Variants in ADGRL3 observed in about 807,000 individuals in gnomAD.
ADGRL3 encodes adhesion G protein-coupled receptor L3, also known as calcium-independent alpha-latrotoxin receptor 3.
A neutral mutation model predicts 153.5 loss-of-function variants in ADGRL3; 62 were observed. That is an observed-to-expected ratio of 0.40 (90% CI 0.33 to 0.50). The LOEUF is 0.50. ADGRL3 is among the 20% of genes least tolerant of loss of function. The probability of loss-of-function intolerance (pLI) is 0.47; values close to 1 mark genes in which losing one functional copy is unlikely to be tolerated. For missense variants in ADGRL3, 1,641 were observed against 1,859.4 expected (o/e 0.88, Z 2.16); for synonymous variants, 710 against 672.5 (o/e 1.06, Z -0.86).
At chr4:62,037,958 TG>T in intron 24 of ADGRL3, 102 bp downstream of exon 24, 1 of 1,286,996 alleles carries the variant, frequency 7.8e-7, no homozygotes, top group Non-Finnish European at 1.1e-6. Context: ...ACACATCGTT[TG>T]TTTTTGTTGT....
intron 1 of ADGRL3, among the ~76,000 whole-genome samples, chr4:61,283,057 C>T (rs2093788485): frequency 6.6e-6 from 1 of 151,940 alleles, no homozygotes; most frequent in Non-Finnish European, 1.5e-5. Flanking sequence ...TTTTTATCTA[C>T]ATGGTTCTTC....
chr4:61,384,136 TA>T (rs1260350288), intron 2 of ADGRL3, among the ~76,000 whole-genome samples: 1 of 151,914 alleles, frequency 6.6e-6, no homozygotes, highest in Non-Finnish European at 1.5e-5. Context: ...CTTAAAACTA[TA>T]AAAATATTGC....
At chr4:61,264,207 C>A (rs555896215) in intron 1 of ADGRL3, among the ~76,000 whole-genome samples, 145 of 151,996 alleles carry the variant, frequency 9.5e-4, no homozygotes, top group Non-Finnish European at 1.1e-3. Context: ...AAGCTGGTAA[C>A]CTTTTTAAGA....
chr4:61,435,746 TCA>T (rs2097436735), intron 2 of ADGRL3, among the ~76,000 whole-genome samples: 1 of 152,098 alleles, frequency 6.6e-6, no homozygotes, highest in Admixed American at 6.5e-5. Context: ...CATAAAACAG[TCA>T]GTGAAACCAT....
chr4:61,725,545 A>G (rs866780706), intron 6 of ADGRL3, among the ~76,000 whole-genome samples: 1 of 151,404 alleles, frequency 6.6e-6, no homozygotes. Flanking sequence ...CAGTGAGCCA[A>G]GATTGCGCCA....
At chr4:61,754,988 A>G (rs1341442219) in intron 8 of ADGRL3, among the ~76,000 whole-genome samples, 1 of 152,246 alleles carries the variant, frequency 6.6e-6, no homozygotes, top group South Asian at 2.1e-4. Flanking sequence ...CATGGTGTAT[A>G]TGTGCCACAT....
intron 1 of ADGRL3, among the ~76,000 whole-genome samples, chr4:61,260,413 T>C (rs1270273817): frequency 3.3e-5 from 5 of 152,222 alleles, no homozygotes; most frequent in Admixed American, 3.3e-4. Context: ...CTGTATAGTG[T>C]AGTGCAGTTT....
chr4:61,615,696 C>A (rs866525956), intron 5 of ADGRL3, among the ~76,000 whole-genome samples: 2 of 151,778 alleles, frequency 1.3e-5, no homozygotes, highest in South Asian at 2.1e-4. Context: ...GACCGCCTTA[C>A]CTTATTTAAT....
At chr4:61,625,322 T>A (rs2092767172) in intron 5 of ADGRL3, among the ~76,000 whole-genome samples, 1 of 152,064 alleles carries the variant, frequency 6.6e-6, no homozygotes, top group African/African-American at 2.4e-5. Context: ...GTCATAAACA[T>A]AATTGGTAGT....
intron 1 of ADGRL3, among the ~76,000 whole-genome samples, chr4:61,372,807 G>A (rs2096552316): frequency 6.6e-6 from 1 of 152,188 alleles, no homozygotes; most frequent in African/African-American, 2.4e-5. Context: ...CCTGGGCAAT[G>A]GCGGGCGCCC....
At chr4:61,669,725 G>A (rs967671680) in intron 5 of ADGRL3, among the ~76,000 whole-genome samples, 10 of 152,226 alleles carry the variant, frequency 6.6e-5, no homozygotes, top group South Asian at 2.1e-4. Context: ...TATTTAATAA[G>A]TGCTAATATA....
chr4:61,620,246 C>A (rs1444164882), intron 5 of ADGRL3, among the ~76,000 whole-genome samples: 1 of 151,986 alleles, frequency 6.6e-6, no homozygotes, highest in Non-Finnish European at 1.5e-5. Context: ...GACATACATC[C>A]TAGGGCAATG....
chr4:61,955,199 G>A (rs1378356036), intron 17 of ADGRL3, among the ~76,000 whole-genome samples: 1 of 152,108 alleles, frequency 6.6e-6, no homozygotes, highest in Non-Finnish European at 1.5e-5. Flanking sequence ...CCAGAGGTCT[G>A]AATAAGAAAA....
intron 5 of ADGRL3, among the ~76,000 whole-genome samples, chr4:61,647,436 C>T (rs1488681865): frequency 2.0e-5 from 3 of 152,048 alleles, no homozygotes; most frequent in Non-Finnish European, 4.4e-5. Context: ...TATCTGAGTA[C>T]CTGTTTTTTC....
chr4:61,204,660 C>G (rs1736304407), intron 1 of ADGRL3, among the ~76,000 whole-genome samples: 1 of 152,154 alleles, frequency 6.6e-6, no homozygotes. Flanking sequence ...GTAACCTGAT[C>G]TATTTGTGTA....
chr4:62,001,340 T>C (rs1195742234), intron 21 of ADGRL3, among the ~76,000 whole-genome samples: 7 of 151,890 alleles, frequency 4.6e-5, no homozygotes, highest in Admixed American at 2.0e-4. Context: ...TAAATAACAA[T>C]AGGTGTGATG....
intron 4 of ADGRL3, among the ~76,000 whole-genome samples, chr4:61,527,847 AC>A (rs1372882067): frequency 2.0e-5 from 3 of 152,090 alleles, no homozygotes; most frequent in Non-Finnish European, 2.9e-5. Context: ...ATAACTTAAA[AC>A]CCTCTCATTG....
intron 1 of ADGRL3, among the ~76,000 whole-genome samples, chr4:61,362,790 C>A (rs545393817): frequency 1.5e-4 from 23 of 152,036 alleles, no homozygotes; most frequent in Middle Eastern, 3.4e-3. Flanking sequence ...AGTTCAAACC[C>A]ATGTTGTTTA....
intron 1 of ADGRL3, among the ~76,000 whole-genome samples, chr4:61,366,213 CCAG>C: frequency 6.6e-6 from 1 of 152,228 alleles, no homozygotes; most frequent in African/African-American, 2.4e-5. Flanking sequence ...TATACAGCCA[CCAG>C]AGCTGCTGAA....
Sources: gnomAD v4.1 joint callset for allele counts (sites outside exome capture counted in the v4.1 genomes callset) on GRCh38, gnomAD v4.1.1 for gene constraint, MANE v1.5 for transcripts, NCBI Gene and HGNC (gene_info 2026-07-23, HGNC 2026-07-21) for gene names.